EVC2: variants seen among roughly 807,000 people sequenced by gnomAD.
The protein encoded by EVC2 is EvC ciliary complex subunit 2, also known as limbin.
In EVC2, 148 loss-of-function variants were observed where a neutral mutation model predicts 149.3. The ratio of observed to expected loss-of-function variants is 0.99; its 90% CI spans 0.87 to 1.14. The LOEUF (loss-of-function observed/expected upper bound fraction) is 1.14. Among genes scored for constraint, EVC2 ranks in the 50% most tolerant of loss-of-function variants. EVC2 has a pLI of 0.00. For missense variants in EVC2, 1,854 were observed against 1,627.3 expected (o/e 1.14, Z -2.40); for synonymous variants, 776 against 649.9 (o/e 1.19, Z -2.95).
intron 3 of EVC2, among the ~76,000 whole-genome samples, chr4:5,692,556 C>T (rs563010213): frequency 2.6e-5 from 4 of 152,208 alleles, no homozygotes; most frequent in Non-Finnish European, 5.9e-5. Flanking sequence ...CACAGTGTAA[C>T]CCTCTCATTG....
rs1722551044 is a variant in EVC2, at chr4:5,569,975, G to T, written c.3361-1335C>A. On this transcript the variant is annotated intron_variant, in intron 19 of 21. Transcript: ENST00000344408. This position sits in a 1 kb window ranked among gnomAD's most constrained non-coding sequence, Gnocchi z 4.8. ...AGCCCTTACCCATGAGCTTCCTTCA[G>T]CCTAGAGTACATTTCTCCTAAGCTA... 6.6e-6 allele frequency among the ~76,000 whole-genome samples: 1 copy of T among 152,100 alleles called. No individual in the cohort carries two copies. Among genetic ancestry groups the T allele is most frequent in the African/African-American group, 2.4e-5 (1 of 41,414 alleles).
chr4:5,658,824 C>T (rs746538205), intron 9 of EVC2, among the ~76,000 whole-genome samples: 3 of 152,306 alleles, frequency 2.0e-5, no homozygotes, highest in Admixed American at 6.5e-5. Flanking sequence ...AGATCGCAGG[C>T]GAGAGGTGTG....
chr4:5,539,656 A>G (rs1721476891), downstream of EVC2, among the ~76,000 whole-genome samples: 1 of 152,200 alleles, frequency 6.6e-6, no homozygotes, highest in Admixed American at 6.5e-5. Context: ...CTGATTTTCA[A>G]CAAAGGCGGA....
At chr4:5,698,015 C>T (rs924967376) in intron 1 of EVC2, among the ~76,000 whole-genome samples, 10 of 152,014 alleles carry the variant, frequency 6.6e-5, no homozygotes, top group Admixed American at 2.6e-4. Context: ...CCTCCCAAAG[C>T]GCTGGGATTA....
At chr4:5,535,698 C>T in the EVC2 span, among the ~76,000 whole-genome samples, 138 of 151,862 alleles carry the variant, frequency 9.1e-4, 1 homozygote, top group Admixed American at 1.9e-3. The surrounding 1 kb of genome is among the most constrained non-coding windows in gnomAD (Gnocchi z 4.7). Flanking sequence ...GGGGCCCCAC[C>T]CTCATGACCT....
chr4:5,592,857 G>A (rs758698903), intron 16 of EVC2, among the ~76,000 whole-genome samples: 9 of 152,116 alleles, frequency 5.9e-5, no homozygotes, highest in South Asian at 2.1e-4. Flanking sequence ...ACGGGAGAAG[G>A]GATGTGATAT....
rs768774314 is a variant in EVC2, at chr4:5,576,270, C to G, written c.3242G>C (p.Ser1081Thr). Residue 1081 changes from serine (S) to threonine (T), a missense_variant, in exon 18 of 22, where the codon AGC becomes ACC. Physicochemically the swap from Ser to Thr is moderately conservative, Grantham distance 58. Coordinates refer to ENST00000344408, the MANE Select transcript of EVC2 (RefSeq NM_147127.5). This position sits in a 1 kb window ranked among gnomAD's most constrained non-coding sequence, Gnocchi z 4.5. ...STVLHQALSK[S>T]QTLLEQHQQC... ...CTGATGTTGCTCCAGTAATGTCTGG[C>G]TCTTGCTCAGGGCTTGGTGCAGGAC... 2.5e-6 allele frequency: 4 copies of G among 1,614,186 alleles called. No individual in the cohort carries two copies. Among genetic ancestry groups the G allele is most frequent in the South Asian group, 1.1e-5 (1 of 91,088 alleles).
chr4:5,682,490 CAAA>C (rs772121177), intron 6 of EVC2, among the ~76,000 whole-genome samples: 8 of 141,916 alleles, frequency 5.6e-5, no homozygotes, highest in Middle Eastern at 3.7e-3. Flanking sequence ...AATGCTGTCT[CAAA>C]AAAAAAAAAT....
chr4:5,674,997 C>T (rs2151717721), intron 7 of EVC2, among the ~76,000 whole-genome samples: 1 of 152,298 alleles, frequency 6.6e-6, no homozygotes. Context: ...AAATGCAACT[C>T]ACAGCCACGT....
At chr4:5,623,855 C>T (rs144104114) in intron 13 of EVC2, among the ~76,000 whole-genome samples, 143 of 152,288 alleles carry the variant, frequency 9.4e-4, no homozygotes, top group Non-Finnish European at 1.8e-3. Flanking sequence ...ATAGGACCTC[C>T]CTTTCAGAAG....
rs886731966 is a variant in EVC2, at chr4:5,625,208, C to T, written c.2046+541G>A. ...ACTTGCTGCTGCATTCCCTTCCAGG[C>T]CCTACCCTCGTCCCTCTGCACACTC... On this transcript the variant is annotated intron_variant, in intron 13 of 21. Coordinates refer to ENST00000344408, the MANE Select transcript of EVC2 (RefSeq NM_147127.5). This position sits in a 1 kb window ranked among gnomAD's most constrained non-coding sequence, Gnocchi z 4.0. 6.6e-6 allele frequency among the ~76,000 whole-genome samples: 1 copy of T among 151,964 alleles called. No homozygotes were observed. Among genetic ancestry groups the T allele is most frequent in the Non-Finnish European group, 1.5e-5 (1 of 67,988 alleles).
chr4:5,540,435 T>C (rs1158587264), downstream of EVC2, among the ~76,000 whole-genome samples: 1 of 152,210 alleles, frequency 6.6e-6, no homozygotes, highest in African/African-American at 2.4e-5. Context: ...CAGATTTCCA[T>C]CAACAGGTGA....
rs1172286672 is a variant in EVC2 at position 5,567,077 on chromosome 4, T to C, written c.3557+1367A>G. On this transcript the variant is annotated intron_variant, in intron 20 of 21. Coordinates refer to ENST00000344408, the MANE Select transcript of EVC2 (RefSeq NM_147127.5). The surrounding 1 kb of genome is among the most constrained non-coding windows in gnomAD (Gnocchi z 4.4). ...GACATTCCGTTTGGCAGAGGTGGCC[T>C]CCTTCTGGCTCCCTCTTGTTCCTCT... 6.6e-6 allele frequency among the ~76,000 whole-genome samples: 1 copy of C among 152,222 alleles called. No individual in the cohort carries two copies. The highest frequency in any genetic ancestry group is 2.1e-4 in the South Asian group (1 of 4,826).
chr4:5,675,971 T>G (rs1719959375), intron 7 of EVC2, among the ~76,000 whole-genome samples: 1 of 152,184 alleles, frequency 6.6e-6, no homozygotes, highest in Non-Finnish European at 1.5e-5. Flanking sequence ...AAATTAGTAT[T>G]GGAATTGCAC....
At position 5,665,592 on chromosome 4, in the gene EVC2, G is replaced by A. The variant is rs778699083; in HGVS notation, c.928C>T (p.Leu310Phe). The change falls in exon 8 of 22, where the codon CTT becomes TTT. Residue 310 changes from leucine to phenylalanine, a missense_variant. Coordinates refer to ENST00000344408, the MANE Select transcript of EVC2 (RefSeq NM_147127.5). ...AAGAGGGCAGCCCAGGTCAGCACAA[G>A]GGAGAGGAGGAAGGCAATGAAGAAC... ...AGFFIAFLLS[L>F]VLTWAALFLM... 6.2e-7 allele frequency: 1 copy of A among 1,614,238 alleles called. No individual in the cohort carries two copies. The highest frequency in any genetic ancestry group is 1.1e-5 in the South Asian group (1 of 91,084).
In EVC2 at chr4:5,576,508, G is replaced by A; in HGVS notation, c.3058-54C>T. The stretch of plus-strand genomic sequence containing the variant: ...ACCACTGCACAAGGCGGGTGGGGTG[G>A]AGGACAAAATCTGACCTCCTGGGTG... On this transcript the variant is annotated intron_variant, in intron 17 of 21. Coordinates refer to ENST00000344408, the MANE Select transcript of EVC2 (RefSeq NM_147127.5). This position sits in a 1 kb window ranked among gnomAD's most constrained non-coding sequence, Gnocchi z 4.5. The A allele has an allele frequency of 1.9e-6, 3 of 1,540,888 alleles. No homozygotes were observed. Among genetic ancestry groups the A allele is most frequent in the Admixed American group, 2.0e-5 (1 of 51,078 alleles).
At position 5,555,017 on chromosome 4, in the gene EVC2, CGTGTGT is replaced by C. The variant is rs35387388; in HGVS notation, c.3419+10235_3419+10240del. On this transcript the variant is annotated intron_variant and NMD_transcript_variant, in intron 21 of 22. Transcript: ENST00000475313. ...GCATTAGATAACTAGAGAGAGGAAG[CGTGTGT>C]GTGTGTGTGTGTGTGTGTGTCTCTG... Among the ~76,000 whole-genome samples the C allele has an allele frequency of 5.2e-4, 77 of 149,168 alleles. No individual in the cohort carries two copies. In the East Asian group the frequency reaches 6.9e-3, roughly 13 times the overall value.
In EVC2 at chr4:5,593,249, G is replaced by A. The variant is rs190348183; in HGVS notation, c.2830-8399C>T. Among the ~76,000 whole-genome samples the A allele has an allele frequency of 9.5e-3, 1,449 of 152,278 alleles. 10 individuals are homozygous for A. The highest frequency in any genetic ancestry group is 0.015 in the Non-Finnish European group (1,034 of 68,022). ...TGCAACCTTCCAGAAGTACGCCACT[G>A]TATAAAAGCTCAAGTCAAAAGTTAA... On this transcript the variant is annotated intron_variant, in intron 16 of 21. Coordinates refer to ENST00000344408, the MANE Select transcript of EVC2 (RefSeq NM_147127.5).
At chr4:5,632,996 T>C (rs918989658) in intron 10 of EVC2, among the ~76,000 whole-genome samples, 2 of 152,212 alleles carry the variant, frequency 1.3e-5, no homozygotes, top group African/African-American at 2.4e-5. Context: ...TGAGGGTGTC[T>C]TGATGATGTA....
Sources: gnomAD v4.1 joint callset for allele counts (sites outside exome capture counted in the v4.1 genomes callset) on GRCh38, gnomAD v4.1.1 for gene constraint, Gnocchi (gnomAD v3.1) non-coding constraint, MANE v1.5 for transcripts, NCBI Gene and HGNC (gene_info 2026-07-23, HGNC 2026-07-21) for gene names.